The following SNCG variants were observed in gnomAD, a reference collection of about 807,000 sequenced individuals.
SNCG encodes gamma-synuclein.
A neutral mutation model predicts 16.0 loss-of-function variants in SNCG; 13 were observed. That is an observed-to-expected ratio of 0.81 (90% CI 0.53 to 1.29). SNCG has a LOEUF of 1.29. Ranked by LOEUF, SNCG falls within the 50% of genes most tolerant of loss-of-function variation. SNCG has a pLI of 0.00. For synonymous variants in SNCG, 66 were observed against 66.3 expected (o/e 1.00, Z 0.02); for missense variants, 154 against 168.5 (o/e 0.91, Z 0.48).
At chr10:86,958,530 C>T (rs953098873), upstream of SNCG, 12 of 1,229,842 alleles carry the variant, frequency 9.8e-6, no homozygotes, top group South Asian at 4.4e-5. Context: ...CCCCACTGCA[C>T]GCAGGGCTGG....
upstream of SNCG, chr10:86,958,417 G>A (rs186500636): frequency 7.1e-6 from 7 of 985,412 alleles, no homozygotes; most frequent in Admixed American, 3.7e-4. Flanking sequence ...CGGGGCAGGA[G>A]AGCTGGGCTG....
chr10:86,957,140 C>A (rs1844247472), upstream of SNCG, among the ~76,000 whole-genome samples: 1 of 152,242 alleles, frequency 6.6e-6, no homozygotes, highest in Admixed American at 6.5e-5. Flanking sequence ...GCCTCCCTGC[C>A]AGCCCCCCAA....
chr10:86,961,861 C>T (rs2133697582), intron 3 of SNCG, among the ~76,000 whole-genome samples: 1 of 128,482 alleles, frequency 7.8e-6, no homozygotes, highest in South Asian at 2.4e-4. Flanking sequence ...TGACAGTATC[C>T]CCGCCTCCCC....
At position 86,963,072 on chromosome 10, in the gene SNCG, A is replaced by G; in HGVS notation, c.*87A>G. On this transcript the variant is annotated 3_prime_UTR_variant, in exon 5 of 5. Transcript: ENST00000372017. ...CCTAGCACAAGGAGTGCCCGCCTTG[A>G]GTGACATGCGGCTGCCCACGCTCCT... 7.2e-7 allele frequency: 1 copy of G among 1,380,768 alleles called. No homozygotes were observed. The highest frequency in any genetic ancestry group is 2.5e-5 in the East Asian group (1 of 40,388). 85.5% of individuals were successfully genotyped at this position (1,380,768 alleles called of 1,614,324 possible). A position where few individuals can be genotyped will look rare whatever the true frequency, so the allele number is the denominator to read the frequency against.
intron 3 of SNCG, 50 bp downstream of exon 3, chr10:86,960,178 G>A (rs779702227): frequency 6.4e-7 from 1 of 1,556,498 alleles, no homozygotes. Context: ...GCCCAGAAAG[G>A]CTGCTGGGCG....
Position 86,959,417 on chromosome 10 carries a change from T to C in SNCG, c.122-216T>C. The C allele has an allele frequency of 1.7e-6, 1 of 595,842 alleles. No individual in the cohort carries two copies. Among genetic ancestry groups the C allele is most frequent in the South Asian group, 2.0e-5 (1 of 49,954 alleles). The allele number at this position is 595,842 out of a possible 1,614,324, so 36.9% of individuals were successfully genotyped here. ...CAGTGTCCCTACCTCAGGCCTGCTC[T>C]CTCTTGTCCCCCACATTCTGTCCTG... is the stretch of plus-strand genomic sequence containing the variant. On this transcript the variant is annotated intron_variant, in intron 1 of 4. Coordinates refer to ENST00000372017, the MANE Select transcript of SNCG (RefSeq NM_003087.3). The surrounding 1 kb of genome is among the most constrained non-coding windows in gnomAD (Gnocchi z 4.3).
At chr10:86,960,264 T>C (rs1589312861) in intron 3 of SNCG, 136 bp downstream of exon 3, 2 of 835,126 alleles carry the variant, frequency 2.4e-6, no homozygotes, top group South Asian at 3.6e-5. Context: ...CAGTACCCAC[T>C]GAGCGCCGGC....
upstream of SNCG, among the ~76,000 whole-genome samples, chr10:86,956,441 C>T (rs558701281): frequency 1.3e-5 from 2 of 152,216 alleles, no homozygotes; most frequent in African/African-American, 4.8e-5. Context: ...TTGGCCCCCC[C>T]CTCACTCCCT....
chr10:86,960,154 C>T, intron 3 of SNCG, 26 bp downstream of exon 3: 7 of 1,596,942 alleles, frequency 4.4e-6, no homozygotes, highest in Non-Finnish European at 6.0e-6. Context: ...CAGACCTGCC[C>T]AGTCCTCTCC....
At chr10:86,958,863 T>G (rs1402906544) in intron 1 of SNCG, 45 bp downstream of exon 1, 1 of 1,557,098 alleles carries the variant, frequency 6.4e-7, no homozygotes, top group Admixed American at 1.8e-5. Flanking sequence ...GGCCAAAGGG[T>G]GAGTGCCCAG....
At chr10:86,957,775 G>C (rs1235255961), upstream of SNCG, 1 of 1,336,396 alleles carries the variant, frequency 7.5e-7, no homozygotes, top group African/African-American at 1.5e-5. Context: ...CTGAGGACTT[G>C]GCTCAGGGAC....
intron 3 of SNCG, among the ~76,000 whole-genome samples, chr10:86,961,689 C>T (rs1465961041): frequency 2.6e-5 from 4 of 152,186 alleles, no homozygotes; most frequent in African/African-American, 9.6e-5. Context: ...ACTATCTGAC[C>T]ACTCATACCC....
intron 3 of SNCG, among the ~76,000 whole-genome samples, chr10:86,961,573 G>A (rs1844352037): frequency 6.6e-6 from 1 of 152,120 alleles, no homozygotes; most frequent in South Asian, 2.1e-4. Flanking sequence ...CCCGGAGCAG[G>A]GCTAGTGAGC....
At chr10:86,962,812 G>GT (rs1458872158) in intron 4 of SNCG, 137 bp downstream of exon 4, 2 of 1,135,620 alleles carry the variant, frequency 1.8e-6, no homozygotes, top group Non-Finnish European at 2.5e-6. Flanking sequence ...TACAGGGACT[G>GT]TGTACAGGGC....
chr10:86,960,304 C>T (rs1189661257), intron 3 of SNCG, among the ~76,000 whole-genome samples, 176 bp downstream of exon 3: 9 of 152,194 alleles, frequency 5.9e-5, no homozygotes, highest in Non-Finnish European at 5.9e-5. Flanking sequence ...TGCTGTTCGA[C>T]CTGCATTCGG....
chr10:86,962,845 G>A, intron 4 of SNCG, 120 bp from the exon 5 acceptor site: 5 of 1,252,636 alleles, frequency 4.0e-6, no homozygotes, highest in South Asian at 2.8e-5. Flanking sequence ...TGAGTGGGAG[G>A]TCCCCCCACG....
At chr10:86,958,550 A>T (rs1347613878), upstream of SNCG, 3 of 1,160,588 alleles carry the variant, frequency 2.6e-6, no homozygotes, top group Non-Finnish European at 3.3e-6. Flanking sequence ...GCTGGGCTCC[A>T]GCTGGCCTCC....
Position 86,960,439 on chromosome 10 carries a change from A to T in SNCG, c.291+311A>T, listed in dbSNP as rs942884081. The stretch of plus-strand genomic sequence containing the variant: ...CACTTAGGAGACACCCCATTTTATA[A>T]GTGAAAACAGGATCCCACACGGTGA... On this transcript the variant is annotated intron_variant, in intron 3 of 4. Coordinates refer to ENST00000372017, the MANE Select transcript of SNCG (RefSeq NM_003087.3). Among the ~76,000 whole-genome samples the T allele has an allele frequency of 2.0e-4, 30 of 152,118 alleles. 1 individual carries two copies. The highest frequency in any genetic ancestry group is 3.2e-4 in the Non-Finnish European group (22 of 67,998).
At chr10:86,957,639 GA>G (rs1328624544), upstream of SNCG, 1 of 1,449,578 alleles carries the variant, frequency 6.9e-7, no homozygotes, top group Non-Finnish European at 9.2e-7. Flanking sequence ...AGGAGGAAAA[GA>G]AAATACGAGG....
Sources: gnomAD v4.1 joint callset for allele counts (sites outside exome capture counted in the v4.1 genomes callset) on GRCh38, gnomAD v4.1.1 for gene constraint, Gnocchi (gnomAD v3.1) non-coding constraint, MANE v1.5 for transcripts, NCBI Gene and HGNC (gene_info 2026-07-23, HGNC 2026-07-21) for gene names.